GMNC: variants seen among roughly 807,000 people sequenced by gnomAD.
GMNC encodes the protein geminin coiled-coil domain containing.
Under a neutral mutation model 33.6 loss-of-function variants are expected in GMNC, and 16 were observed. The ratio of observed to expected loss-of-function variants is 0.48; its 90% CI spans 0.32 to 0.72. GMNC has a LOEUF of 0.72. Among genes scored for constraint, GMNC ranks in the 30% least tolerant of loss-of-function variants. The probability of loss-of-function intolerance (pLI) is 0.03; values close to 1 mark genes in which losing one functional copy is unlikely to be tolerated. For missense variants in GMNC, 393 were observed against 388.9 expected (o/e 1.01, Z -0.09); for synonymous variants, 156 against 147.3 (o/e 1.06, Z -0.43).
At chr3:190,858,154 C>T (rs1408101982) in intron 3 of GMNC, 1 of 392,322 alleles carries the variant, frequency 2.5e-6, no homozygotes, top group Non-Finnish European at 4.6e-6. Flanking sequence ...AAATTGTAAC[C>T]ACAAGCGAAT....
chr3:190,845,700 T>C, the GMNC span, among the ~76,000 whole-genome samples: 1 of 151,670 alleles, frequency 6.6e-6, no homozygotes, highest in African/African-American at 2.4e-5. Context: ...AGTAAGGACA[T>C]GGTTTCACCA....
intron 2 of GMNC, 31 bp from the exon 3 acceptor site, chr3:190,859,047 A>C (rs1328390826): frequency 7.8e-7 from 1 of 1,282,062 alleles, no homozygotes; most frequent in East Asian, 2.5e-5. Context: ...AACTGAGAAA[A>C]TAATCTTGTA....
chr3:190,861,692 T>G lies in GMNC; in HGVS notation c.4-834A>C, dbSNP rs116013331. On this transcript the variant is annotated intron_variant, in intron 1 of 4. Coordinates refer to ENST00000442080, the MANE Select transcript of GMNC (RefSeq NM_001146686.3). The surrounding 1 kb of genome is among the most constrained non-coding windows in gnomAD (Gnocchi z 5.1). ...AGTTATCTTGCCATTAACTGGCATG[T>G]ATTCTCCACTGTGTTCTGATCCAGT... 6.0e-3 allele frequency among the ~76,000 whole-genome samples: 911 copies of G among 152,298 alleles called. 11 individuals are homozygous for G. Among genetic ancestry groups the G allele is most frequent in the African/African-American group, 0.021 (863 of 41,554 alleles).
At position 190,852,784 on chromosome 3, in the gene GMNC, A is replaced by G. The variant is rs901774807; in HGVS notation, c.*2511T>C. The G allele has an allele frequency of 6.6e-6, 1 of 152,154 alleles. No individual in the cohort carries two copies. The highest frequency in any genetic ancestry group is 6.6e-5 in the Admixed American group (1 of 15,262). 9.4% of individuals were successfully genotyped at this position (152,154 alleles called of 1,614,324 possible). On this transcript the variant is annotated 3_prime_UTR_variant, in exon 5 of 5. Transcript: ENST00000442080. Reference sequence around the variant, plus strand: ...GCATGGTATAAAAATAGTTACCGCAATCACAAAAGAGTTTTTATTTCCCAC... The same window carrying G: ...GCATGGTATAAAAATAGTTACCGCAGTCACAAAAGAGTTTTTATTTCCCAC...
intron 3 of GMNC, 72 bp downstream of exon 3, chr3:190,858,856 A>G (rs934045065): frequency 3.4e-5 from 29 of 864,082 alleles, no homozygotes; most frequent in East Asian, 2.8e-5. Flanking sequence ...AAGGGAAAAG[A>G]AGCAAGATAT....
chr3:190,844,615 G>T, the GMNC span, among the ~76,000 whole-genome samples: 9 of 151,818 alleles, frequency 5.9e-5, no homozygotes, highest in Non-Finnish European at 1.2e-4. Context: ...TCAATATTTT[G>T]CATAAAAGTA....
chr3:190,849,540 C>T (rs13324891), downstream of GMNC, among the ~76,000 whole-genome samples: 50,625 of 152,086 alleles, frequency 0.33, 8,809 homozygotes, highest in South Asian at 0.45. Flanking sequence ...AACTGGAGGA[C>T]CCTGAGGGAA....
the GMNC span, among the ~76,000 whole-genome samples, chr3:190,846,471 TA>T: frequency 6.6e-6 from 1 of 152,168 alleles, no homozygotes; most frequent in Non-Finnish European, 1.5e-5. Flanking sequence ...TGTGTGTATA[TA>T]AAATTTATTA....
At chr3:190,859,649 G>A (rs909787159) in intron 2 of GMNC, 3 of 295,032 alleles carry the variant, frequency 1.0e-5, no homozygotes, top group African/African-American at 2.2e-5. Context: ...GTCCTAATCT[G>A]TATATTTTAT....
downstream of GMNC, among the ~76,000 whole-genome samples, chr3:190,852,320 C>T (rs1298178256): frequency 1.3e-5 from 2 of 151,974 alleles, no homozygotes; most frequent in African/African-American, 2.4e-5. Flanking sequence ...TAATTTTTTC[C>T]ATTAATTCAT....
chr3:190,848,300 C>T (rs1737582870), downstream of GMNC, among the ~76,000 whole-genome samples: 1 of 152,154 alleles, frequency 6.6e-6, no homozygotes, highest in African/African-American at 2.4e-5. Context: ...AAAAACCTAC[C>T]CTGCAGTCAA....
the GMNC span, among the ~76,000 whole-genome samples, chr3:190,846,761 T>A: frequency 0.013 from 1,979 of 152,328 alleles, 47 homozygotes; most frequent in African/African-American, 0.046. Context: ...GGGAGACCTC[T>A]ATTCACTGGA....
Position 190,853,469 on chromosome 3 carries a change from A to G in GMNC, c.*1826T>C. On this transcript the variant is annotated 3_prime_UTR_variant, in exon 5 of 5. Transcript: ENST00000442080. ...ACTCCAGAGAGTAATATTAATTACT[A>G]TATTGGATTTTCTTCATAAATTATT... 1 of 152,256 alleles carries G rather than the reference A, an allele frequency of 6.6e-6. No homozygotes were observed. The highest frequency in any genetic ancestry group is 3.4e-3 in the Middle Eastern group (1 of 292). 9.4% of individuals were successfully genotyped at this position (152,256 alleles called of 1,614,324 possible). A position where few individuals can be genotyped will look rare whatever the true frequency, so the allele number is the denominator to read the frequency against.
chr3:190,853,911 A>G lies in GMNC; in HGVS notation c.*1384T>C, dbSNP rs1190898330. The G allele has an allele frequency of 1.3e-5, 2 of 152,210 alleles. No homozygotes were observed. Among genetic ancestry groups the G allele is most frequent in the Non-Finnish European group, 2.9e-5 (2 of 68,008 alleles). 9.4% of individuals were successfully genotyped at this position (152,210 alleles called of 1,614,324 possible). A position where few individuals can be genotyped will look rare whatever the true frequency, so the allele number is the denominator to read the frequency against. ...TCTATCCGCACTTATTTAAAAATTA[A>G]TATGTATCTATTTTTAGAGGCAAAT... On this transcript the variant is annotated 3_prime_UTR_variant, in exon 5 of 5. Coordinates refer to ENST00000442080, the MANE Select transcript of GMNC (RefSeq NM_001146686.3).
the GMNC span, among the ~76,000 whole-genome samples, chr3:190,843,479 AT>A: frequency 1.2e-4 from 18 of 152,164 alleles, no homozygotes; most frequent in Non-Finnish European, 1.5e-4. Flanking sequence ...TCTCCTCTCT[AT>A]TTTAGTTAAA....
chr3:190,843,662 T>G, the GMNC span, among the ~76,000 whole-genome samples: 1 of 152,128 alleles, frequency 6.6e-6, no homozygotes, highest in Non-Finnish European at 1.5e-5. Context: ...GTATCCTACA[T>G]TTTTTTATCC....
chr3:190,860,958 G>T, intron 1 of GMNC, 100 bp from the exon 2 acceptor site: 1 of 770,556 alleles, frequency 1.3e-6, no homozygotes, highest in Non-Finnish European at 2.0e-6. Flanking sequence ...ATTACATGCA[G>T]TGAAATATAA....
Position 190,855,701 on chromosome 3 carries a change from G to A in GMNC, c.599C>T (p.Thr200Ile). The change falls in exon 5 of 5, where the codon ACT becomes ATT. Residue 200 changes from threonine (T) to isoleucine (I), a missense_variant. By Grantham distance (89) the Thr-to-Ile change is moderately conservative. Coordinates refer to ENST00000442080, the MANE Select transcript of GMNC (RefSeq NM_001146686.3). ...GTTAGCTGATGAGGTGTCATCGATA[G>A]TGTCAAGGTCTTTTAACCCAAGTGT... is the stretch of plus-strand genomic sequence containing the variant. The part of the protein sequence containing the change: ...LQTLGLKDLD[T>I]IDDTSSANYS... 2 of 1,551,600 alleles carry A rather than the reference G, an allele frequency of 1.3e-6. No individual in the cohort carries two copies. Among genetic ancestry groups the A allele is most frequent in the Non-Finnish European group, 1.7e-6 (2 of 1,146,906 alleles).
chr3:190,858,506 C>G (rs573147758), intron 3 of GMNC, among the ~76,000 whole-genome samples: 1 of 152,304 alleles, frequency 6.6e-6, no homozygotes, highest in South Asian at 2.1e-4. Flanking sequence ...ACTGACACAA[C>G]ATGTAAAAAG....
Sources: gnomAD v4.1 joint callset for allele counts (sites outside exome capture counted in the v4.1 genomes callset) on GRCh38, gnomAD v4.1.1 for gene constraint, Gnocchi (gnomAD v3.1) non-coding constraint, MANE v1.5 for transcripts, NCBI Gene and HGNC (gene_info 2026-07-23, HGNC 2026-07-21) for gene names.